Variants in ANKRD31 observed in about 807,000 individuals in gnomAD.
The protein encoded by ANKRD31 is ankyrin repeat domain 31.
A neutral mutation model predicts 186.0 loss-of-function variants in ANKRD31; 147 were observed. The ratio of observed to expected loss-of-function variants is 0.79; its 90% CI spans 0.69 to 0.91. The LOEUF is 0.91. Among genes scored for constraint, ANKRD31 ranks in the 40% least tolerant of loss-of-function variants. The pLI is 0.00. For synonymous variants in ANKRD31, 673 were observed against 736.4 expected, an observed-to-expected ratio of 0.91 and a Z score of 1.39; for missense variants, 1,986 against 2,148.8, an observed-to-expected ratio of 0.92 and a Z score of 1.50.
At chr5:75,125,699 A>G (rs1044108397) in intron 17 of ANKRD31, among the ~76,000 whole-genome samples, 6 of 152,220 alleles carry the variant, frequency 3.9e-5, no homozygotes, top group African/African-American at 9.6e-5. Context: ...AACTCAGCTC[A>G]GAGACACTGG....
chr5:75,201,733 C>T (rs75041892), intron 5 of ANKRD31, among the ~76,000 whole-genome samples: 6,474 of 152,218 alleles, frequency 0.043, 243 homozygotes, highest in Admixed American at 0.11. Context: ...GGGTCACACA[C>T]GCCTCATTAC....
intron 17 of ANKRD31, among the ~76,000 whole-genome samples, chr5:75,122,800 C>T (rs1748907919): frequency 6.6e-6 from 1 of 151,948 alleles, no homozygotes; most frequent in African/African-American, 2.4e-5. Flanking sequence ...TAATAAAGGC[C>T]ATATGCAACA....
chr5:75,102,085 G>C (rs4515280), intron 22 of ANKRD31, among the ~76,000 whole-genome samples: 1 of 152,142 alleles, frequency 6.6e-6, no homozygotes, highest in Non-Finnish European at 1.5e-5. Flanking sequence ...GGTCTTTGAT[G>C]ATGGTGACAT....
intron 10 of ANKRD31, among the ~76,000 whole-genome samples, chr5:75,178,011 T>C (rs1383993284): frequency 6.6e-6 from 1 of 151,920 alleles, no homozygotes; most frequent in Non-Finnish European, 1.5e-5. Context: ...GAGACACACA[T>C]AGGCTCAAAA....
intron 19 of ANKRD31, among the ~76,000 whole-genome samples, chr5:75,114,044 T>C (rs571364466): frequency 3.9e-5 from 6 of 152,346 alleles, no homozygotes; most frequent in African/African-American, 1.4e-4. Flanking sequence ...GCTACCTTGG[T>C]TAAGATTTTG....
intron 2 of ANKRD31, among the ~76,000 whole-genome samples, chr5:75,225,835 A>G (rs1368106699): frequency 6.6e-6 from 1 of 152,182 alleles, no homozygotes; most frequent in Non-Finnish European, 1.5e-5. Context: ...TTCAGCCACA[A>G]TGGGTAGAGC....
chr5:75,221,999 G>T (rs953029958), intron 3 of ANKRD31, among the ~76,000 whole-genome samples: 119 of 152,050 alleles, frequency 7.8e-4, no homozygotes, highest in African/African-American at 2.7e-3. Context: ...CTGCACAGAG[G>T]GTCAGCATCC....
chr5:75,141,951 A>C (rs1162877895), intron 15 of ANKRD31, among the ~76,000 whole-genome samples: 1 of 152,206 alleles, frequency 6.6e-6, no homozygotes, highest in Non-Finnish European at 1.5e-5. Flanking sequence ...TAACATCATA[A>C]GTTTGTACAG....
intron 25 of ANKRD31, among the ~76,000 whole-genome samples, chr5:75,069,403 C>T (rs1250878455): frequency 6.6e-6 from 1 of 152,044 alleles, no homozygotes; most frequent in African/African-American, 2.4e-5. Flanking sequence ...CATGCTTGGC[C>T]CACATGCTTC....
chr5:75,126,127 T>G (rs1486987727), intron 17 of ANKRD31, among the ~76,000 whole-genome samples: 2 of 152,206 alleles, frequency 1.3e-5, no homozygotes, highest in Non-Finnish European at 2.9e-5. Flanking sequence ...TGACTTAGCA[T>G]GATGATTTTA....
Position 75,112,520 on chromosome 5 carries a change from T to C in ANKRD31, c.4236A>G (p.Glu1412=), listed in dbSNP as rs1300957447. ...GTATGAGTCTATATTTACCTGCATC[T>C]TCAGGGTTTCTTATTTCAAACTCTA... ...YLLEFEIRNP[E]DAEQYIEKML... Residue 1412 remains glutamate (E), a synonymous_variant, in exon 20 of 26, where the codon GAA becomes GAG. Coordinates refer to ENST00000506364, the MANE Select transcript of ANKRD31 (RefSeq NM_001372053.1). 4.7e-6 allele frequency: 7 copies of C among 1,499,884 alleles called. No homozygotes were observed. Among genetic ancestry groups the C allele is most frequent in the Non-Finnish European group, 6.3e-6 (7 of 1,116,650 alleles). The allele number at this position is 1,499,884 out of a possible 1,614,324, so 92.9% of individuals were successfully genotyped here. A position where few individuals can be genotyped will look rare whatever the true frequency, so the allele number is the denominator to read the frequency against.
chr5:75,117,476 A>C (rs1457329906), intron 18 of ANKRD31, among the ~76,000 whole-genome samples: 2 of 152,148 alleles, frequency 1.3e-5, no homozygotes, highest in Admixed American at 1.3e-4. Flanking sequence ...AGCTCTGACG[A>C]ATTATATCGG....
At chr5:75,211,862 A>G (rs1223865359) in intron 3 of ANKRD31, among the ~76,000 whole-genome samples, 2 of 151,974 alleles carry the variant, frequency 1.3e-5, no homozygotes, top group Non-Finnish European at 2.9e-5. Context: ...GTGGAGTTGT[A>G]AGAACTCTTT....
At chr5:75,123,409 C>T (rs1748951068) in intron 17 of ANKRD31, among the ~76,000 whole-genome samples, 5 of 151,956 alleles carry the variant, frequency 3.3e-5, no homozygotes, top group South Asian at 2.1e-4. Flanking sequence ...AAAATGCCAA[C>T]ATCGCTTTTC....
chr5:75,110,367 A>G (rs1018650661), intron 20 of ANKRD31, among the ~76,000 whole-genome samples: 1 of 152,128 alleles, frequency 6.6e-6, no homozygotes, highest in African/African-American at 2.4e-5. Flanking sequence ...CCACTTGATG[A>G]ATAAACAAAG....
intron 25 of ANKRD31, among the ~76,000 whole-genome samples, chr5:75,070,385 A>G (rs1193692069): frequency 5.9e-5 from 9 of 152,198 alleles, no homozygotes; most frequent in Admixed American, 2.6e-4. Context: ...TGATTTGAAA[A>G]ACTTAATGCA....
At chr5:75,207,615 T>C (rs962329899) in intron 4 of ANKRD31, among the ~76,000 whole-genome samples, 18 of 151,972 alleles carry the variant, frequency 1.2e-4, no homozygotes, top group Non-Finnish European at 2.1e-4. Flanking sequence ...CACAAGAAAA[T>C]AACTTTGATA....
intron 17 of ANKRD31, among the ~76,000 whole-genome samples, chr5:75,127,238 G>A (rs1749330382): frequency 6.6e-6 from 1 of 151,634 alleles, no homozygotes; most frequent in Admixed American, 6.6e-5. Flanking sequence ...ATTTCTCAAT[G>A]CTTGTATTTT....
Position 75,155,785 on chromosome 5 carries a change from T to C in ANKRD31, c.1708-1440A>G, listed in dbSNP as rs1752125853. Among the ~76,000 whole-genome samples the C allele has an allele frequency of 2.6e-5, 4 of 152,200 alleles. 1 individual carries two copies. In the South Asian group the frequency reaches 8.3e-4, roughly 31 times the overall value. ...TTTATAAGAAAGCATCCTAGCCTAC[T>C]AAAGTAGTTTGAATCTTTCTCTCTT... On this transcript the variant is annotated intron_variant, in intron 11 of 25. Transcript: ENST00000506364.
Sources: gnomAD v4.1 joint callset for allele counts (sites outside exome capture counted in the v4.1 genomes callset) on GRCh38, gnomAD v4.1.1 for gene constraint, MANE v1.5 for transcripts, NCBI Gene and HGNC (gene_info 2026-07-23, HGNC 2026-07-21) for gene names.